The following ENPEP variants were observed in gnomAD, a reference collection of about 807,000 sequenced individuals.
ENPEP encodes the protein glutamyl aminopeptidase.
A neutral mutation model predicts 114.5 loss-of-function variants in ENPEP; 103 were observed. That is an observed-to-expected ratio of 0.90 (90% CI 0.77 to 1.06). The LOEUF (loss-of-function observed/expected upper bound fraction) is 1.06. Ranked by LOEUF, ENPEP falls within the 50% of genes least tolerant of loss-of-function variation. ENPEP has a pLI of 0.00. For missense variants in ENPEP, 1,196 were observed against 1,161.3 expected, an observed-to-expected ratio of 1.03 and a Z score of -0.43; for synonymous variants, 420 against 422.0, an observed-to-expected ratio of 1.00 and a Z score of 0.06.
At chr4:110,550,505 G>C (rs1027082658) in intron 17 of ENPEP, among the ~76,000 whole-genome samples, 3 of 152,016 alleles carry the variant, frequency 2.0e-5, no homozygotes, top group Non-Finnish European at 4.4e-5. Context: ...GCAAAACTGG[G>C]CTCTGTGAGT....
intron 10 of ENPEP, among the ~76,000 whole-genome samples, chr4:110,522,573 C>T (rs1726042392): frequency 6.6e-6 from 1 of 152,120 alleles, no homozygotes; most frequent in Admixed American, 6.6e-5. Context: ...TTAACAGACC[C>T]CACTTAGTAA....
intron 18 of ENPEP, among the ~76,000 whole-genome samples, chr4:110,557,848 A>G (rs1340824025): frequency 6.6e-6 from 1 of 152,190 alleles, no homozygotes; most frequent in Non-Finnish European, 1.5e-5. Flanking sequence ...CTTGATTACT[A>G]GAACATTTTA....
chr4:110,483,499 C>T (rs937956448), intron 1 of ENPEP, among the ~76,000 whole-genome samples: 1 of 151,916 alleles, frequency 6.6e-6, no homozygotes, highest in Non-Finnish European at 1.5e-5. Flanking sequence ...CAGAGTGATC[C>T]AAGCCATAAC....
intron 1 of ENPEP, among the ~76,000 whole-genome samples, chr4:110,487,903 A>G (rs1724561454): frequency 6.6e-6 from 1 of 152,220 alleles, no homozygotes; most frequent in Admixed American, 6.5e-5. Flanking sequence ...AGCCATAAAA[A>G]AAAATGCTGC....
In ENPEP at chr4:110,563,666, AAAGT is replaced by A. The variant is rs1321349332; in HGVS notation, c.*2111_*2114del. 2 of 152,228 alleles carry A rather than the reference AAAGT, an allele frequency of 1.3e-5. No homozygotes were observed. Among genetic ancestry groups the A allele is most frequent in the African/African-American group, 4.8e-5 (2 of 41,468 alleles). The allele number at this position is 152,228 out of a possible 1,614,324, so 9.4% of individuals were successfully genotyped here. On this transcript the variant is annotated 3_prime_UTR_variant, in exon 20 of 20. Transcript: ENST00000265162. Reference sequence around the variant, plus strand: ...TTAAATAATTAATTTTAATTGAAAAAAAGTAACCATTTAATTTCAAGAATTAACT... The same window carrying A: ...TTAAATAATTAATTTTAATTGAAAAAAACCATTTAATTTCAAGAATTAACT...
At chr4:110,512,709 A>C (rs1486106295) in intron 6 of ENPEP, 3 of 152,236 alleles carry the variant, frequency 2.0e-5, no homozygotes, top group Non-Finnish European at 4.4e-5. Flanking sequence ...TACTATGCCA[A>C]GTACTAACCA....
At chr4:110,522,224 C>A (rs1056183709) in intron 10 of ENPEP, among the ~76,000 whole-genome samples, 1 of 151,732 alleles carries the variant, frequency 6.6e-6, no homozygotes, top group African/African-American at 2.4e-5. Flanking sequence ...ACTCTGTCGC[C>A]AGGCTGGAGT....
chr4:110,490,694 T>C (rs1327100003), intron 2 of ENPEP, among the ~76,000 whole-genome samples: 3 of 152,178 alleles, frequency 2.0e-5, no homozygotes, highest in Non-Finnish European at 4.4e-5. Flanking sequence ...CACGAGTCTG[T>C]TTTTCATTAG....
At chr4:110,538,017 C>G (rs1411882906) in intron 11 of ENPEP, among the ~76,000 whole-genome samples, 1 of 152,136 alleles carries the variant, frequency 6.6e-6, no homozygotes, top group Non-Finnish European at 1.5e-5. Context: ...CTTTGTTGTT[C>G]CATTTATAGA....
chr4:110,489,668 G>C (rs563810226), intron 2 of ENPEP, among the ~76,000 whole-genome samples: 1 of 152,214 alleles, frequency 6.6e-6, no homozygotes, highest in South Asian at 2.1e-4. Flanking sequence ...ACTTCTCTCT[G>C]TTATTTTGTC....
chr4:110,505,738 T>C (rs1036615086), intron 3 of ENPEP, among the ~76,000 whole-genome samples: 2 of 152,220 alleles, frequency 1.3e-5, no homozygotes, highest in African/African-American at 4.8e-5. Context: ...AGCAGGTATA[T>C]TTTATTTGAA....
At chr4:110,553,207 A>G in intron 17 of ENPEP, 108 bp from the exon 18 acceptor site, 1 of 967,114 alleles carries the variant, frequency 1.0e-6, no homozygotes, top group Non-Finnish European at 1.5e-6. Flanking sequence ...GTCAGTTGAT[A>G]CCTCAAGAAT....
Position 110,548,252 on chromosome 4 carries a change from C to T in ENPEP, c.2077C>T (p.Gln693Ter). ...AAGGGAAGAGAATTTTTTACCATGG[C>T]AGAGAGTAATTTCAGCTGTAACCTA... ...LKREENFLPWQRVISAVTYII... is the reference protein window; with the variant it reads ...LKREENFLPW Residue 693 changes from glutamine to a stop codon, truncating the protein, a stop_gained, in exon 14 of 20, where the codon CAG becomes TAG. Coordinates refer to ENST00000265162, the MANE Select transcript of ENPEP (RefSeq NM_001977.4). LOFTEE classifies it high-confidence loss of function. 6.3e-7 allele frequency: 1 copy of T among 1,596,352 alleles called. No homozygotes were observed. The highest frequency in any genetic ancestry group is 8.5e-7 in the Non-Finnish European group (1 of 1,172,856).
chr4:110,536,012 CAGG>C (rs1726606747), intron 11 of ENPEP, among the ~76,000 whole-genome samples: 1 of 145,890 alleles, frequency 6.9e-6, no homozygotes, highest in East Asian at 2.0e-4. Context: ...GAGGCTGAAG[CAGG>C]AGAATTGCTT....
intron 1 of ENPEP, among the ~76,000 whole-genome samples, chr4:110,483,665 G>A (rs1346226603): frequency 6.6e-6 from 1 of 152,172 alleles, no homozygotes; most frequent in Admixed American, 6.6e-5. Flanking sequence ...TATTAATGTG[G>A]CATAGGGAGG....
chr4:110,557,081 C>T lies in ENPEP; in HGVS notation c.2643-2566C>T, dbSNP rs368154492. Among the ~76,000 whole-genome samples, 16 of 152,120 alleles carry T rather than the reference C, an allele frequency of 1.1e-4. No homozygotes were observed. In the East Asian group the frequency reaches 3.1e-3, roughly 29 times the overall value. On this transcript the variant is annotated intron_variant, in intron 18 of 19. Transcript: ENST00000265162. ...AAAATGGTAGACCATGGAATCTAAA[C>T]TACATAAAGAAATAAATGCAAGAAT...
At chr4:110,529,736 T>G (rs1042504475) in intron 10 of ENPEP, among the ~76,000 whole-genome samples, 6 of 152,100 alleles carry the variant, frequency 3.9e-5, no homozygotes, top group Non-Finnish European at 8.8e-5. Flanking sequence ...ACCCAGGTAT[T>G]GATTGTAGGC....
intron 18 of ENPEP, among the ~76,000 whole-genome samples, chr4:110,554,841 G>A (rs1225955038): frequency 6.6e-6 from 1 of 151,942 alleles, no homozygotes; most frequent in East Asian, 1.9e-4. Context: ...ACTATGAAAA[G>A]ACAAGTAAAT....
intron 3 of ENPEP, 132 bp from the exon 4 acceptor site, chr4:110,506,505 A>G: frequency 1.1e-6 from 1 of 878,844 alleles, no homozygotes; most frequent in Non-Finnish European, 1.7e-6. Context: ...AGTATGAGGC[A>G]GAATTGGAAT....
Sources: allele counts gnomAD v4.1 joint callset (sites outside exome capture counted in the v4.1 genomes callset), GRCh38; gene constraint gnomAD v4.1.1; transcripts MANE v1.5; gene names NCBI Gene and HGNC (gene_info 2026-07-23, HGNC 2026-07-21).